Variants in ASIC2 observed in about 807,000 individuals in gnomAD.
ASIC2 encodes the protein acid sensing ion channel subunit 2, also known as acid-sensing ion channel 2.
ASIC2 carries 25 observed loss-of-function variants against 57.3 expected under a neutral mutation model. The ratio of observed to expected loss-of-function variants is 0.44; its 90% CI spans 0.32 to 0.61. The LOEUF is 0.61. Among genes scored for constraint, ASIC2 ranks in the 20% least tolerant of loss-of-function variants. The pLI, the probability that ASIC2 is intolerant of heterozygous loss-of-function variation, is 0.06. For synonymous variants in ASIC2, 319 were observed against 307.5 expected, an observed-to-expected ratio of 1.04 and a Z score of -0.39; for missense variants, 641 against 738.1, an observed-to-expected ratio of 0.87 and a Z score of 1.52.
chr17:33,908,305 G>A (rs1915392712), intron 1 of ASIC2, among the ~76,000 whole-genome samples: 2 of 152,192 alleles, frequency 1.3e-5, no homozygotes, highest in Admixed American at 6.5e-5. Context: ...TTGTAATTTG[G>A]ACTAAAAAAT....
intron 3 of ASIC2, among the ~76,000 whole-genome samples, chr17:33,044,381 T>A (rs80111615): frequency 0.011 from 1,688 of 152,222 alleles, 29 homozygotes; most frequent in African/African-American, 0.038. Context: ...TTTATTTTTT[T>A]ATTTTTTTTG....
At chr17:33,210,752 T>C (rs557155292) in intron 1 of ASIC2, among the ~76,000 whole-genome samples, 2 of 152,146 alleles carry the variant, frequency 1.3e-5, no homozygotes, top group Non-Finnish European at 2.9e-5. Context: ...GGCACACCCA[T>C]CGTGTGCAGG....
At chr17:34,146,756 A>T (rs2142140470) in intron 1 of ASIC2, 1 of 152,336 alleles carries the variant, frequency 6.6e-6, no homozygotes, top group South Asian at 2.1e-4. Flanking sequence ...TGCTCTACCT[A>T]CAGGTGCAGT....
chr17:33,391,291 C>G (rs551012090), intron 1 of ASIC2, among the ~76,000 whole-genome samples: 1 of 152,336 alleles, frequency 6.6e-6, no homozygotes, highest in Non-Finnish European at 1.5e-5. Flanking sequence ...CTTCTACTCT[C>G]TCCCACCTAC....
chr17:33,173,512 G>T (rs1008834774), intron 1 of ASIC2, among the ~76,000 whole-genome samples: 2 of 152,148 alleles, frequency 1.3e-5, no homozygotes, highest in African/African-American at 4.8e-5. Context: ...ATTTGTCCTG[G>T]CCCCCTTCCT....
At chr17:33,322,416 T>C (rs990228540) in intron 1 of ASIC2, among the ~76,000 whole-genome samples, 2 of 151,936 alleles carry the variant, frequency 1.3e-5, no homozygotes, top group Non-Finnish European at 2.9e-5. Context: ...CAAGTGGAGG[T>C]GGTGATTTGT....
chr17:33,094,845 T>G (rs1034862314), intron 2 of ASIC2, among the ~76,000 whole-genome samples: 2 of 152,176 alleles, frequency 1.3e-5, no homozygotes, highest in African/African-American at 4.8e-5. Flanking sequence ...AGTCGGACTT[T>G]CTGAGAGAGG....
chr17:33,427,942 A>G (rs1911275497), intron 1 of ASIC2, among the ~76,000 whole-genome samples: 1 of 152,182 alleles, frequency 6.6e-6, no homozygotes, highest in South Asian at 2.1e-4. Context: ...TTTGCTGTGG[A>G]AAAAGCCAGC....
rs373145358 is a variant in ASIC2, at chr17:33,613,292, C to G, written c.556-501225G>C. 7.4e-4 allele frequency among the ~76,000 whole-genome samples: 113 copies of G among 151,916 alleles called. 1 individual carries two copies. Among genetic ancestry groups the G allele is most frequent in the African/African-American group, 2.7e-3 (110 of 41,424 alleles). ...TTTTCTCTCCTCATTCCTCCAGTGC[C>G]TCTGCTCAAAACTGGATACTTTAAA... On this transcript the variant is annotated intron_variant, in intron 1 of 9. Transcript: ENST00000359872.
intron 1 of ASIC2, among the ~76,000 whole-genome samples, chr17:33,476,541 AGG>A (rs1491461944): frequency 0.015 from 956 of 63,542 alleles, 5 homozygotes; most frequent in Non-Finnish European, 0.019. Flanking sequence ...ATATATGTAC[AGG>A]GGTGTGTGTG....
chr17:33,098,784 T>C (rs899826511), intron 2 of ASIC2, among the ~76,000 whole-genome samples: 6 of 152,064 alleles, frequency 3.9e-5, no homozygotes, highest in African/African-American at 1.4e-4. Flanking sequence ...GAACACTAGC[T>C]CTGTGTGGAA....
intron 1 of ASIC2, among the ~76,000 whole-genome samples, chr17:33,979,445 T>G (rs976288276): frequency 6.6e-6 from 1 of 152,096 alleles, no homozygotes; most frequent in Non-Finnish European, 1.5e-5. Flanking sequence ...CGGAGCCTGG[T>G]GTCCCCTGTA....
chr17:33,074,884 G>C (rs2092083080), intron 3 of ASIC2, among the ~76,000 whole-genome samples: 1 of 152,196 alleles, frequency 6.6e-6, no homozygotes, highest in Non-Finnish European at 1.5e-5. Flanking sequence ...AGTTATGATG[G>C]TGAGCGTGGT....
intron 1 of ASIC2, among the ~76,000 whole-genome samples, chr17:33,669,308 G>A (rs1428617746): frequency 2.0e-5 from 3 of 152,114 alleles, no homozygotes; most frequent in Non-Finnish European, 2.9e-5. Flanking sequence ...ATGTGAAAAG[G>A]GTAATGTATT....
At chr17:34,134,517 ATGGGAG>A (rs1454545292) in intron 1 of ASIC2, among the ~76,000 whole-genome samples, 2 of 152,206 alleles carry the variant, frequency 1.3e-5, no homozygotes, top group East Asian at 3.9e-4. Context: ...AGGAAGAGGA[ATGGGAG>A]TGCAGCCATC....
intron 1 of ASIC2, among the ~76,000 whole-genome samples, chr17:34,016,707 C>T (rs1236206172): frequency 6.6e-6 from 1 of 152,110 alleles, no homozygotes; most frequent in East Asian, 1.9e-4. Context: ...CAGTGTTTAA[C>T]TTTGAAGAAA....
intron 1 of ASIC2, among the ~76,000 whole-genome samples, chr17:33,610,335 A>G (rs1231413688): frequency 6.6e-6 from 1 of 151,668 alleles, no homozygotes; most frequent in Admixed American, 6.6e-5. Context: ...TTTTGTATTT[A>G]TAGTAGAGAC....
intron 1 of ASIC2, among the ~76,000 whole-genome samples, chr17:33,635,228 T>TC (rs1209333219): frequency 6.6e-6 from 1 of 152,204 alleles, no homozygotes; most frequent in African/African-American, 2.4e-5. Flanking sequence ...TATTTGTGGG[T>TC]CAATAATGAT....
At chr17:34,023,714 G>C (rs1264609136) in intron 1 of ASIC2, among the ~76,000 whole-genome samples, 2 of 152,164 alleles carry the variant, frequency 1.3e-5, no homozygotes, top group African/African-American at 4.8e-5. Context: ...CCAGGCAACT[G>C]AGTCTGCCAG....
Sources: allele counts gnomAD v4.1 joint callset (sites outside exome capture counted in the v4.1 genomes callset), GRCh38; gene constraint gnomAD v4.1.1; transcripts MANE v1.5; gene names NCBI Gene and HGNC (gene_info 2026-07-23, HGNC 2026-07-21).